The following RBFOX1 variants were observed in gnomAD, a reference collection of about 807,000 sequenced individuals.
The protein encoded by RBFOX1 is RNA binding fox-1 homolog 1.
In RBFOX1, 8 loss-of-function variants were observed where a neutral mutation model predicts 57.7. The observed-to-expected ratio is 0.14, with a 90% CI of 0.08 to 0.25. The LOEUF (loss-of-function observed/expected upper bound fraction) is 0.25, where lower values mean the gene tolerates loss of function less well. Among genes scored for constraint, RBFOX1 ranks in the 10% least tolerant of loss-of-function variants. The pLI is 1.00. For synonymous variants in RBFOX1, 326 were observed against 222.4 expected, an observed-to-expected ratio of 1.47 and a Z score of -4.15; for missense variants, 611 against 548.5, an observed-to-expected ratio of 1.11 and a Z score of -1.14.
Position 6,097,779 on chromosome 16 carries a change from C to A in RBFOX1, c.-127+77787C>A, listed in dbSNP as rs983761015. On this transcript the variant is annotated intron_variant, in intron 1 of 15. Coordinates refer to ENST00000550418, the MANE Select transcript of RBFOX1 (RefSeq NM_018723.4). The surrounding 1 kb of genome is among the most constrained non-coding windows in gnomAD (Gnocchi z 5.0). The stretch of plus-strand genomic sequence containing the variant: ...TTCTCTTCTTTTTTTTTTTTTCTTA[C>A]CACCCTCCAAAATTCTTATTTATTT... Among the ~76,000 whole-genome samples the A allele has an allele frequency of 2.6e-5, 4 of 151,060 alleles. No individual in the cohort carries two copies. Among genetic ancestry groups the A allele is most frequent in the African/African-American group, 9.7e-5 (4 of 41,088 alleles).
At chr16:6,561,174 T>G (rs2153909778) in intron 2 of RBFOX1, among the ~76,000 whole-genome samples, 1 of 152,284 alleles carries the variant, frequency 6.6e-6, no homozygotes, top group South Asian at 2.1e-4. Flanking sequence ...CTCCTTAAAA[T>G]GAATATGCTT....
At chr16:5,460,197 G>C (rs540657148) in intron 1 of RBFOX1, among the ~76,000 whole-genome samples, 79 of 152,138 alleles carry the variant, frequency 5.2e-4, no homozygotes, top group Non-Finnish European at 9.6e-4. Flanking sequence ...TGGACAAGAG[G>C]GGTCTTGGAA....
intron 5 of RBFOX1, among the ~76,000 whole-genome samples, chr16:7,549,046 G>A (rs932437665): frequency 5.3e-5 from 8 of 152,204 alleles, no homozygotes; most frequent in African/African-American, 1.7e-4. Flanking sequence ...AGAGAAGAGG[G>A]TGGACAGGAA....
intron 4 of RBFOX1, among the ~76,000 whole-genome samples, chr16:7,062,428 TA>T (rs1355179730): frequency 6.6e-6 from 1 of 152,098 alleles, no homozygotes. Flanking sequence ...CCTGTGCTTG[TA>T]TGTGGATGAA....
intron 3 of RBFOX1, among the ~76,000 whole-genome samples, chr16:5,818,971 G>C (rs1259097237): frequency 6.6e-6 from 1 of 152,000 alleles, no homozygotes; most frequent in Non-Finnish European, 1.5e-5. Flanking sequence ...TTACCTCTTG[G>C]ATCTGTCCCC....
intron 1 of RBFOX1, among the ~76,000 whole-genome samples, chr16:5,432,336 A>T (rs200516601): frequency 1.3e-5 from 2 of 151,676 alleles, no homozygotes; most frequent in South Asian, 2.1e-4. Context: ...CGCTAACCAA[A>T]TTAGTCATCG....
At chr16:5,662,554 C>T (rs571907054) in intron 3 of RBFOX1, among the ~76,000 whole-genome samples, 33 of 151,920 alleles carry the variant, frequency 2.2e-4, no homozygotes, top group Middle Eastern at 3.5e-3. Flanking sequence ...GTTCTGGGGA[C>T]CTGGACCACA....
chr16:6,701,825 G>A (rs147622695), intron 3 of RBFOX1, among the ~76,000 whole-genome samples: 33 of 152,262 alleles, frequency 2.2e-4, no homozygotes, highest in African/African-American at 7.9e-4. Context: ...CTGGAGTCCA[G>A]TATTCTAAGC....
chr16:5,873,779 G>A (rs749795520), intron 4 of RBFOX1, among the ~76,000 whole-genome samples: 22 of 152,160 alleles, frequency 1.4e-4, no homozygotes, highest in Non-Finnish European at 3.2e-4. Flanking sequence ...CTGGATCTCG[G>A]TTAAAACATA....
rs2098538446 is a variant in RBFOX1 at position 6,646,841 on chromosome 16, C to A, written c.-63-7762C>A. On this transcript the variant is annotated intron_variant, in intron 2 of 15. Transcript: ENST00000550418. Reference sequence around the variant, plus strand: ...TAAGAGTGAGGGGTGTTTTTCCTGACTCAGTGTCCGAAGTCAAGCAGAGAC... The same window carrying A: ...TAAGAGTGAGGGGTGTTTTTCCTGAATCAGTGTCCGAAGTCAAGCAGAGAC... Among the ~76,000 whole-genome samples the A allele has an allele frequency of 2.0e-5, 3 of 152,054 alleles. No individual in the cohort carries two copies. The South Asian group carries it at 6.2e-4, about 32-fold the overall frequency.
chr16:7,258,944 G>T (rs866932912), intron 4 of RBFOX1, among the ~76,000 whole-genome samples: 1 of 152,198 alleles, frequency 6.6e-6, no homozygotes, highest in African/African-American at 2.4e-5. Context: ...ATGGAAGAAA[G>T]ATGGGTCCTG....
intron 1 of RBFOX1, among the ~76,000 whole-genome samples, chr16:6,051,088 A>G (rs564123569): frequency 6.6e-6 from 1 of 150,740 alleles, no homozygotes; most frequent in African/African-American, 2.4e-5. Flanking sequence ...TTAGGTTGGT[A>G]CAAAAGTAAT....
chr16:5,589,676 C>G (rs2046943320), intron 2 of RBFOX1, among the ~76,000 whole-genome samples: 1 of 152,170 alleles, frequency 6.6e-6, no homozygotes, highest in Non-Finnish European at 1.5e-5. Flanking sequence ...CCATAATGGA[C>G]TGGGTTGAAG....
chr16:7,255,055 ATATTT>A (rs1380679918), intron 4 of RBFOX1, among the ~76,000 whole-genome samples: 35 of 152,196 alleles, frequency 2.3e-4, no homozygotes, highest in Non-Finnish European at 4.4e-4. Context: ...AGTGTTTTTA[ATATTT>A]TATTCATAAT....
At chr16:5,257,102 G>T (rs978749304) in intron 1 of RBFOX1, among the ~76,000 whole-genome samples, 15 of 152,164 alleles carry the variant, frequency 9.9e-5, no homozygotes, top group Middle Eastern at 3.4e-3. Context: ...GGTCTTAAAT[G>T]GGGGAGCCAC....
intron 3 of RBFOX1, among the ~76,000 whole-genome samples, chr16:6,809,963 A>G (rs948999916): frequency 2.6e-5 from 4 of 151,672 alleles, no homozygotes; most frequent in Admixed American, 2.0e-4. Flanking sequence ...TGAGATTGAT[A>G]TGATCAGACA....
intron 1 of RBFOX1, among the ~76,000 whole-genome samples, chr16:5,311,385 C>G (rs1037888456): frequency 1.3e-5 from 2 of 152,142 alleles, no homozygotes; most frequent in African/African-American, 4.8e-5. Context: ...TGTCTTCTTG[C>G]TATCATGACT....
chr16:7,156,396 C>T (rs1030264422), intron 4 of RBFOX1, among the ~76,000 whole-genome samples: 1 of 151,522 alleles, frequency 6.6e-6, no homozygotes, highest in African/African-American at 2.4e-5. Flanking sequence ...TGCACACATA[C>T]ATGTACATAT....
At chr16:7,317,273 C>T (rs2096461956) in intron 4 of RBFOX1, among the ~76,000 whole-genome samples, 2 of 152,264 alleles carry the variant, frequency 1.3e-5, no homozygotes, top group South Asian at 2.1e-4. Flanking sequence ...AGAAATGCAA[C>T]TCCCTGAAGT....
Sources: gnomAD v4.1 joint callset for allele counts (sites outside exome capture counted in the v4.1 genomes callset) on GRCh38, gnomAD v4.1.1 for gene constraint, Gnocchi (gnomAD v3.1) non-coding constraint, MANE v1.5 for transcripts, NCBI Gene and HGNC (gene_info 2026-07-23, HGNC 2026-07-21) for gene names.